The following TRHDE variants were observed in gnomAD, a reference collection of about 807,000 sequenced individuals.
The protein encoded by TRHDE is thyrotropin-releasing hormone-degrading ectoenzyme.
In TRHDE, 72 loss-of-function variants were observed where a neutral mutation model predicts 125.7. That is an observed-to-expected ratio of 0.57 (90% CI 0.47 to 0.70). The LOEUF (loss-of-function observed/expected upper bound fraction) is 0.70, where lower values mean the gene tolerates loss of function less well. Among genes scored for constraint, TRHDE ranks in the 30% least tolerant of loss-of-function variants. The pLI is 0.00. For missense variants in TRHDE, 1,110 were observed against 1,327.1 expected (o/e 0.84, Z 2.54); for synonymous variants, 509 against 509.1 (o/e 1.00, Z 0.00).
intron 15 of TRHDE, among the ~76,000 whole-genome samples, chr12:72,625,890 G>T (rs1054690552): frequency 6.6e-6 from 1 of 151,884 alleles, no homozygotes; most frequent in Admixed American, 6.6e-5. Flanking sequence ...AATAAAAATT[G>T]TCCTACAGAC....
intron 2 of TRHDE, among the ~76,000 whole-genome samples, chr12:72,120,305 T>G (rs1020084819): frequency 7.2e-5 from 11 of 152,122 alleles, no homozygotes; most frequent in African/African-American, 2.4e-4. Flanking sequence ...TGACTCGGGC[T>G]TCCAAAGTGC....
chr12:72,263,443 T>C (rs1009126217), intron 2 of TRHDE: 2 of 152,020 alleles, frequency 1.3e-5, no homozygotes, highest in African/African-American at 4.8e-5. Context: ...GGTTCAACTC[T>C]AAAAACAGGA....
chr12:72,396,842 C>G (rs1224472556), intron 3 of TRHDE, among the ~76,000 whole-genome samples: 1 of 152,188 alleles, frequency 6.6e-6, no homozygotes, highest in Admixed American at 6.5e-5. Flanking sequence ...TATTCCTTCT[C>G]AGACTCCTTT....
intron 15 of TRHDE, among the ~76,000 whole-genome samples, chr12:72,623,391 C>A (rs577109392): frequency 2.0e-5 from 3 of 152,000 alleles, no homozygotes; most frequent in Non-Finnish European, 4.4e-5. Context: ...AAATTGGACT[C>A]ACACCATTGC....
intron 2 of TRHDE, among the ~76,000 whole-genome samples, chr12:72,314,634 T>A (rs1204995868): frequency 2.6e-5 from 4 of 152,148 alleles, no homozygotes; most frequent in Non-Finnish European, 5.9e-5. Context: ...TATCTACAGT[T>A]TGTAGTTATG....
chr12:72,375,674 T>C (rs755804859), intron 2 of TRHDE, among the ~76,000 whole-genome samples: 2 of 152,232 alleles, frequency 1.3e-5, no homozygotes, highest in East Asian at 1.9e-4. Flanking sequence ...TTTACATTTA[T>C]ATTTTACCAT....
At chr12:72,388,072 C>G (rs893393492) in intron 3 of TRHDE, among the ~76,000 whole-genome samples, 2 of 152,060 alleles carry the variant, frequency 1.3e-5, no homozygotes, top group African/African-American at 4.8e-5. Flanking sequence ...TCCTACTCCT[C>G]TCTGTTTCAG....
At chr12:72,250,864 T>TATATATATA (rs1415968314) in intron 2 of TRHDE, among the ~76,000 whole-genome samples, 9 of 54,578 alleles carry the variant, frequency 1.6e-4, no homozygotes, top group African/African-American at 3.6e-4. Context: ...ATATATATAT[T>TATATATATA]TTATTTTTAT....
chr12:72,460,379 AT>A (rs1408986734), intron 3 of TRHDE, among the ~76,000 whole-genome samples: 2 of 152,154 alleles, frequency 1.3e-5, no homozygotes, highest in African/African-American at 4.8e-5. Context: ...CTGTGCACTC[AT>A]TGTAGCATAT....
In TRHDE at chr12:72,250,862, A is replaced by ATATATATATT. The variant is rs981275202; in HGVS notation, n.280-127132_280-127131insATATATATTT. 8.1e-4 allele frequency among the ~76,000 whole-genome samples: 117 copies of ATATATATATT among 144,248 alleles called. 1 individual carries two copies. Among genetic ancestry groups the ATATATATATT allele is most frequent in the Non-Finnish European group, 6.1e-5 (4 of 65,874 alleles). 94.6% of individuals were successfully genotyped at this position (144,248 alleles called of 152,430 possible). On this transcript the variant is annotated intron_variant and non_coding_transcript_variant, in intron 2 of 4. Transcript: ENST00000548156. ...GATATATATATATATATATATATATATTTTATTTTTATTGCATACTTTATT... is the reference window on the plus strand; with the variant it reads ...GATATATATATATATATATATATATATATATATATTTTTTATTTTTATTGCATACTTTATT...
At chr12:72,647,229 CAAG>C (rs755370479) in intron 15 of TRHDE, among the ~76,000 whole-genome samples, 2 of 151,750 alleles carry the variant, frequency 1.3e-5, no homozygotes, top group Non-Finnish European at 2.9e-5. Context: ...ACAATTGAGT[CAAG>C]AAGAAATCCA....
At chr12:72,395,383 C>T (rs1313880657) in intron 3 of TRHDE, among the ~76,000 whole-genome samples, 1 of 152,074 alleles carries the variant, frequency 6.6e-6, no homozygotes, top group Non-Finnish European at 1.5e-5. Flanking sequence ...TATCCTGGAC[C>T]CTGTCATTTC....
chr12:72,473,733 TA>T lies in TRHDE; in HGVS notation c.1584+554del, dbSNP rs1876757810. Reference sequence around the variant, plus strand: ...GTTTTTGTGCCTTAAGCTGTGCTGTTATAGGGCATCCTAGAAGAAAAAGTAG... The same window carrying T: ...GTTTTTGTGCCTTAAGCTGTGCTGTTTAGGGCATCCTAGAAGAAAAAGTAG... On this transcript the variant is annotated intron_variant, in intron 5 of 18. Coordinates refer to ENST00000261180, the MANE Select transcript of TRHDE (RefSeq NM_013381.3). 3.9e-5 allele frequency among the ~76,000 whole-genome samples: 6 copies of T among 152,196 alleles called. No individual in the cohort carries two copies. The South Asian group carries it at 1.2e-3, about 32-fold the overall frequency.
intron 2 of TRHDE, among the ~76,000 whole-genome samples, chr12:72,179,188 C>G (rs959095283): frequency 6.6e-6 from 1 of 152,066 alleles, no homozygotes; most frequent in Non-Finnish European, 1.5e-5. Flanking sequence ...CAGGATATAT[C>G]GTGAGTAAAT....
At chr12:72,639,302 C>T (rs1873923543) in intron 15 of TRHDE, among the ~76,000 whole-genome samples, 2 of 152,024 alleles carry the variant, frequency 1.3e-5, no homozygotes, top group Middle Eastern at 3.4e-3. Context: ...TGCATCGGCT[C>T]CTGAGGCTTC....
intron 2 of TRHDE, among the ~76,000 whole-genome samples, chr12:72,240,623 A>G (rs930206152): frequency 6.6e-6 from 1 of 151,434 alleles, no homozygotes; most frequent in Non-Finnish European, 1.5e-5. Flanking sequence ...AGGCTGGAGT[A>G]CAGTGGCGCG....
chr12:72,319,293 C>T (rs1868964206), intron 2 of TRHDE, among the ~76,000 whole-genome samples: 1 of 152,088 alleles, frequency 6.6e-6, no homozygotes, highest in Non-Finnish European at 1.5e-5. Context: ...GGCCTCGGGT[C>T]CTTCCTTGAC....
intron 6 of TRHDE, among the ~76,000 whole-genome samples, chr12:72,522,763 G>C (rs908787638): frequency 2.6e-5 from 4 of 151,870 alleles, no homozygotes; most frequent in African/African-American, 9.7e-5. Context: ...CCTTTTTCTG[G>C]TGTCCTGTGA....
intron 2 of TRHDE, among the ~76,000 whole-genome samples, chr12:72,369,689 G>T (rs549843501): frequency 6.6e-6 from 1 of 152,176 alleles, no homozygotes; most frequent in African/African-American, 2.4e-5. Flanking sequence ...GTTACAGAAA[G>T]TTGACCCTCC....
Sources: allele counts gnomAD v4.1 joint callset (sites outside exome capture counted in the v4.1 genomes callset), GRCh38; gene constraint gnomAD v4.1.1; transcripts MANE v1.5; gene names NCBI Gene and HGNC (gene_info 2026-07-23, HGNC 2026-07-21).